UCP2: variants seen among roughly 807,000 people sequenced by gnomAD.
The protein encoded by UCP2 is uncoupling protein 2.
UCP2 carries 27 observed loss-of-function variants against 31.3 expected under a neutral mutation model. The ratio of observed to expected loss-of-function variants is 0.86; its 90% CI spans 0.64 to 1.19. The LOEUF is 1.19. UCP2 is among the 50% of genes most tolerant of loss of function. The probability of loss-of-function intolerance (pLI) is 0.00; values close to 1 mark genes in which losing one functional copy is unlikely to be tolerated. For synonymous variants in UCP2, 142 were observed against 157.4 expected (o/e 0.90, Z 0.73); for missense variants, 377 against 413.5 (o/e 0.91, Z 0.76).
chr11:73,981,062 A>G (rs1186074556), intron 2 of UCP2: 1 of 152,232 alleles, frequency 6.6e-6, no homozygotes, highest in Middle Eastern at 3.2e-3. Context: ...AGGACTAGAA[A>G]TAGTTAATCC....
At position 73,977,122 on chromosome 11, in the gene UCP2, A is replaced by G. The variant is rs1338197976; in HGVS notation, c.338-105T>C. On this transcript the variant is annotated intron_variant, in intron 4 of 7. Transcript: ENST00000663595. ...GTCACTGTCATCTCCTGCTTTTGGG[A>G]ATAGAATCCAGAAGCTTTTGGCCTT... The G allele has an allele frequency of 2.1e-5, 27 of 1,264,786 alleles. No homozygotes were observed. The South Asian group carries it at 3.7e-4, about 17-fold the overall frequency. 78.3% of individuals were successfully genotyped at this position (1,264,786 alleles called of 1,614,324 possible). A position where few individuals can be genotyped will look rare whatever the true frequency, so the allele number is the denominator to read the frequency against.
intron 3 of UCP2, 40 bp downstream of exon 3, chr11:73,978,213 G>C (rs779568764): frequency 1.9e-6 from 3 of 1,614,152 alleles, no homozygotes; most frequent in Admixed American, 3.3e-5. Flanking sequence ...GGAGGGAACA[G>C]AGTAGACACC....
chr11:73,975,095 C>A lies in UCP2; in HGVS notation c.842G>T (p.Gly281Val). ...GACGAACATCACCACGTTCCAGGAA[C>A]CCAAGCGGAGAAAGGAGGGCATGAA... The part of the protein sequence containing the change: ...KGFMPSFLRL[G>V]SWNVVMFVTY... Residue 281 changes from glycine (G) to valine (V), a missense_variant, in exon 8 of 8, where the codon GGT (glycine) becomes GTT (valine). Coordinates refer to ENST00000663595, the MANE Select transcript of UCP2 (RefSeq NM_003355.3). 6.2e-7 allele frequency: 1 copy of A among 1,613,456 alleles called. No homozygotes were observed. Among genetic ancestry groups the A allele is most frequent in the South Asian group, 1.1e-5 (1 of 90,954 alleles).
chr11:73,975,373 A>C, intron 7 of UCP2, 118 bp downstream of exon 7: 1 of 1,258,280 alleles, frequency 7.9e-7, no homozygotes, highest in Non-Finnish European at 1.1e-6. Flanking sequence ...AAATGCCAGG[A>C]CCAGGATCAG....
Position 73,978,308 on chromosome 11 carries a change from G to A in UCP2, c.71C>T (p.Ala24Val), listed in dbSNP as rs569544010. ...TVKFLGAGTA[A>V]CIADLITFPL... Reference sequence around the variant, plus strand: ...AAAGGTGATGAGATCTGCGATGCAGGCAGCTGTGCCAGCCCCAAGAAACTT... The same window carrying A: ...AAAGGTGATGAGATCTGCGATGCAGACAGCTGTGCCAGCCCCAAGAAACTT... Residue 24 changes from alanine (A) to valine (V), a missense_variant, in exon 3 of 8, where the codon GCC becomes GTC. By Grantham distance (64) the Ala-to-Val change is moderately conservative. Transcript: ENST00000663595. The A allele has an allele frequency of 6.2e-7, 1 of 1,614,170 alleles. No homozygotes were observed. The highest frequency in any genetic ancestry group is 1.3e-5 in the African/African-American group (1 of 75,030).
rs11549044 is a variant in UCP2 at position 73,977,937 on chromosome 11, G to C, written c.286C>G (p.Arg96Gly). Residue 96 changes from arginine to glycine, a missense_variant, in exon 4 of 8, where the codon CGC (arginine) becomes GGC (glycine). Coordinates refer to ENST00000663595, the MANE Select transcript of UCP2 (RefSeq NM_003355.3). Reference sequence around the variant, plus strand: ...TTGACAGAATCATACAGGCCGATGCGGACAGAGGCAAAGCTCATTTGGCGC... The same window carrying C: ...TTGACAGAATCATACAGGCCGATGCCGACAGAGGCAAAGCTCATTTGGCGC... ...LQRQMSFASV[R>G]IGLYDSVKQF... 12 of 1,614,102 alleles carry C rather than the reference G, an allele frequency of 7.4e-6. No individual in the cohort carries two copies. In the Admixed American group the frequency reaches 1.0e-4, roughly 13 times the overall value.
rs1951329472 is a variant in UCP2, at chr11:73,975,571, A to G, written c.735T>C (p.Ser245=). Reference sequence around the variant, plus strand: ...CAGCGCTACTGTACTGGCCCAGGGCAGAGTTCATGTATCTCGTCTTGACCA... The same window carrying G: ...CAGCGCTACTGTACTGGCCCAGGGCGGAGTTCATGTATCTCGTCTTGACCA... ...VDVVKTRYMN[S]ALGQYSSAGH... is the part of the protein sequence containing the mutation. The change falls in exon 7 of 8, where the codon TCT becomes TCC. Residue 245 remains serine, a synonymous_variant. Coordinates refer to ENST00000663595, the MANE Select transcript of UCP2 (RefSeq NM_003355.3). 6.2e-7 allele frequency: 1 copy of G among 1,614,062 alleles called. No individual in the cohort carries two copies. Among genetic ancestry groups the G allele is most frequent in the Non-Finnish European group, 8.5e-7 (1 of 1,180,046 alleles).
chr11:73,979,135 CAG>C (rs1389888560), intron 2 of UCP2, among the ~76,000 whole-genome samples: 1 of 152,166 alleles, frequency 6.6e-6, no homozygotes, highest in Non-Finnish European at 1.5e-5. Context: ...CTGTTGGGCA[CAG>C]GGGGTGGATG....
intron 6 of UCP2, 66 bp downstream of exon 6, chr11:73,976,575 G>C: frequency 3.1e-6 from 4 of 1,278,210 alleles, no homozygotes; most frequent in Middle Eastern, 1.9e-4. Flanking sequence ...GTGTCAGCTA[G>C]ACCCCCGCAC....
intron 6 of UCP2, 96 bp from the exon 7 acceptor site, chr11:73,975,767 A>G: frequency 6.8e-7 from 1 of 1,472,496 alleles, no homozygotes; most frequent in Non-Finnish European, 9.4e-7. Context: ...TCATGATTTT[A>G]AAGAGACAGA....
chr11:73,976,220 C>T (rs1404305514), intron 6 of UCP2, among the ~76,000 whole-genome samples: 1 of 152,062 alleles, frequency 6.6e-6, no homozygotes, highest in African/African-American at 2.4e-5. Flanking sequence ...CAAAAATTAG[C>T]CAGTGTGCTG....
chr11:73,977,130 C>A (rs763329970), intron 4 of UCP2, 113 bp from the exon 5 acceptor site: 140 of 1,207,770 alleles, frequency 1.2e-4, no homozygotes, highest in Non-Finnish European at 1.4e-4. Flanking sequence ...GGAATAGAAT[C>A]CAGAAGCTTT....
chr11:73,975,976 G>A (rs1022873074), intron 6 of UCP2, among the ~76,000 whole-genome samples: 6 of 152,262 alleles, frequency 3.9e-5, no homozygotes, highest in Admixed American at 6.5e-5. Context: ...TGAGGTGGGA[G>A]GATTGCTTGA....
At position 73,981,146 on chromosome 11, in the gene UCP2, A is replaced by T. The variant is rs546786588; in HGVS notation, c.-100+330T>A. 8.1e-4 allele frequency: 123 copies of T among 152,346 alleles called. 1 individual carries two copies. Among genetic ancestry groups the T allele is most frequent in the African/African-American group, 2.8e-3 (116 of 41,576 alleles). The allele number at this position is 152,346 out of a possible 1,614,324, so 9.4% of individuals were successfully genotyped here. On this transcript the variant is annotated intron_variant, in intron 2 of 7. Coordinates refer to ENST00000663595, the MANE Select transcript of UCP2 (RefSeq NM_003355.3). ...CCAATCTCGGTTTCAGGGATAGTCA[A>T]AAGCTAGCATCAATATGAAGTTAGA...
upstream of UCP2, chr11:73,982,971 C>CG (rs2135375769): frequency 6.6e-6 from 1 of 152,426 alleles, no homozygotes; most frequent in Admixed American, 6.5e-5. Context: ...CGCCTTTCCG[C>CG]GGGGACCGCC....
At position 73,978,409 on chromosome 11, in the gene UCP2, T is replaced by C. The variant is rs781512552; in HGVS notation, c.-31A>G. 6.2e-7 allele frequency: 1 copy of C among 1,613,812 alleles called. No individual in the cohort carries two copies. On this transcript the variant is annotated 5_prime_UTR_variant, in exon 3 of 8. Coordinates refer to ENST00000663595, the MANE Select transcript of UCP2 (RefSeq NM_003355.3). The stretch of plus-strand genomic sequence containing the variant: ...TGATTTCCTGCTACGTCCCAGGAGA[T>C]GGAGAAAAACTGGAGACAGGGGCAC...
intron 2 of UCP2, 149 bp downstream of exon 2, chr11:73,981,327 G>A (rs1951452385): frequency 6.6e-6 from 1 of 152,226 alleles, no homozygotes; most frequent in Non-Finnish European, 1.5e-5. Context: ...GAGCGGGGAG[G>A]TGTGAGAGTG....
In UCP2 at chr11:73,978,366, T is replaced by C. The variant is rs926061114; in HGVS notation, c.13A>G (p.Lys5Glu). The C allele has an allele frequency of 1.9e-6, 3 of 1,614,066 alleles. No homozygotes were observed. The highest frequency in any genetic ancestry group is 2.7e-5 in the African/African-American group (2 of 74,914). Residue 5 changes from lysine to glutamate, a missense_variant, in exon 3 of 8, where the codon AAG (lysine) becomes GAG (glutamate). By Grantham distance (56) the Lys-to-Glu change is moderately conservative. Coordinates refer to ENST00000663595, the MANE Select transcript of UCP2 (RefSeq NM_003355.3). The stretch of plus-strand genomic sequence containing the variant: ...GCAGTAGGGGGCACATCTGTGGCCT[T>C]GAACCCAACCATGATGCTGATTTCC... MVGF[K>E]ATDVPPTATV...
chr11:73,977,570 C>T (rs1034932050), intron 4 of UCP2, among the ~76,000 whole-genome samples: 1 of 152,162 alleles, frequency 6.6e-6, no homozygotes, highest in African/African-American at 2.4e-5. Context: ...TTCTGGCTCT[C>T]TACTGTGTGC....
Sources: allele counts gnomAD v4.1 joint callset (sites outside exome capture counted in the v4.1 genomes callset), GRCh38; gene constraint gnomAD v4.1.1; transcripts MANE v1.5; gene names NCBI Gene and HGNC (gene_info 2026-07-23, HGNC 2026-07-21).